SLC35B4: variants seen among roughly 807,000 people sequenced by gnomAD.
SLC35B4 encodes solute carrier family 35 member B4.
In SLC35B4, 28 loss-of-function variants were observed where a neutral mutation model predicts 39.5. That is an observed-to-expected ratio of 0.71 (90% CI 0.53 to 0.97). The LOEUF (loss-of-function observed/expected upper bound fraction) is 0.97, where lower values mean the gene tolerates loss of function less well. SLC35B4 is among the 50% of genes least tolerant of loss of function. The pLI, the probability that SLC35B4 is intolerant of heterozygous loss-of-function variation, is 0.00. For missense variants in SLC35B4, 334 were observed against 414.3 expected (o/e 0.81, Z 1.68); for synonymous variants, 145 against 150.4 (o/e 0.96, Z 0.26).
At chr7:134,318,403 A>C (rs202014064), upstream of SLC35B4, among the ~76,000 whole-genome samples, 2,060 of 45,986 alleles carry the variant, frequency 0.045, 49 homozygotes, top group African/African-American at 0.15. Flanking sequence ...TGGCACATTA[A>C]ACAATGAATT....
chr7:134,290,163 T>A lies in SLC35B4; in HGVS notation c.*4670A>T, dbSNP rs1803303490. 1 of 152,194 alleles carries A rather than the reference T, an allele frequency of 6.6e-6. No individual in the cohort carries two copies. The highest frequency in any genetic ancestry group is 1.5e-5 in the Non-Finnish European group (1 of 68,060). 9.4% of individuals were successfully genotyped at this position (152,194 alleles called of 1,614,324 possible). ...ACTTTCTTCCTGAGCATCAAATATG[T>A]AAGGTGCTAACTACATAATACTCTT... On this transcript the variant is annotated 3_prime_UTR_variant, in exon 10 of 10. Coordinates refer to ENST00000378509, the MANE Select transcript of SLC35B4 (RefSeq NM_032826.5).
At chr7:134,316,611 C>CCT in intron 1 of SLC35B4, 64 bp downstream of exon 1, 1 of 1,513,316 alleles carries the variant, frequency 6.6e-7, no homozygotes, top group Non-Finnish European at 8.9e-7. Flanking sequence ...CCCGGGGGGA[C>CCT]CTCTCCTCTG....
intron 1 of SLC35B4, among the ~76,000 whole-genome samples, chr7:134,316,379 C>T (rs953436170): frequency 1.3e-5 from 2 of 152,188 alleles, no homozygotes; most frequent in East Asian, 1.9e-4. Flanking sequence ...ACTTCAATAC[C>T]CCCCGAGTGT....
chr7:134,318,161 G>A (rs913947781), upstream of SLC35B4, among the ~76,000 whole-genome samples: 1 of 152,140 alleles, frequency 6.6e-6, no homozygotes, highest in African/African-American at 2.4e-5. Flanking sequence ...ACTCGTTATC[G>A]AGTGCAGATT....
In SLC35B4 at chr7:134,296,402, G is replaced by A. The variant is rs535470117; in HGVS notation, c.738C>T (p.Asn246=). 3.6e-5 allele frequency: 58 copies of A among 1,613,754 alleles called. No homozygotes were observed. The East Asian group carries it at 1.1e-3, about 32-fold the overall frequency. The change falls in exon 9 of 10, where the codon AAC becomes AAT. Residue 246 remains asparagine (N), a synonymous_variant. Coordinates refer to ENST00000378509, the MANE Select transcript of SLC35B4 (RefSeq NM_032826.5). Reference sequence around the variant, plus strand: ...AGTCCAAAGGATACTGAGTGATGATGTTCATGAGGAGGTAGAACCACATGA... The same window carrying A: ...AGTCCAAAGGATACTGAGTGATGATATTCATGAGGAGGTAGAACCACATGA... ...LPIMWFYLLM[N]IITQYVCIRG...
chr7:134,304,776 T>A (rs372996119), intron 4 of SLC35B4, 29 bp downstream of exon 4: 1 of 1,549,614 alleles, frequency 6.5e-7, no homozygotes, highest in Non-Finnish European at 8.9e-7. Flanking sequence ...ATCATTTCCA[T>A]ACACAAAATA....
At chr7:134,319,910 T>C (rs1643033), upstream of SLC35B4, among the ~76,000 whole-genome samples, 71,386 of 151,892 alleles carry the variant, frequency 0.47, 17,026 homozygotes, top group Admixed American at 0.53. Context: ...CCATTCCCAT[T>C]GACATCCACT....
At chr7:134,295,255 A>C (rs1803436784) in intron 9 of SLC35B4, 176 bp from the exon 10 acceptor site, 3 of 702,656 alleles carry the variant, frequency 4.3e-6, no homozygotes, top group Non-Finnish European at 4.6e-6. Context: ...CTGTCCTGCC[A>C]TTCCATTTAT....
chr7:134,298,799 T>G (rs1803520949), intron 8 of SLC35B4, among the ~76,000 whole-genome samples: 1 of 152,240 alleles, frequency 6.6e-6, no homozygotes, highest in African/African-American at 2.4e-5. Flanking sequence ...ACTGTCATTC[T>G]ACAAAATGCA....
chr7:134,309,316 T>C (rs1279384837), intron 2 of SLC35B4, 50 bp downstream of exon 2: 1 of 1,155,626 alleles, frequency 8.7e-7, no homozygotes, highest in African/African-American at 1.6e-5. Flanking sequence ...TACCACCTCT[T>C]TACTTTCTTA....
chr7:134,318,467 A>T (rs1804044176), upstream of SLC35B4, among the ~76,000 whole-genome samples: 1 of 110,976 alleles, frequency 9.0e-6, no homozygotes, highest in Non-Finnish European at 1.9e-5. Context: ...ACACATATAT[A>T]CACACACACA....
rs1022440972 is a variant in SLC35B4 at position 134,291,595 on chromosome 7, C to T, written c.*3238G>A. ...GAGAAGAGGTTTACTCTGGGTGGCA[C>T]AGACCAATTCAGCTTTCATGGTCTT... On this transcript the variant is annotated 3_prime_UTR_variant, in exon 10 of 10. Transcript: ENST00000378509. 1 of 152,172 alleles carries T rather than the reference C, an allele frequency of 6.6e-6. No homozygotes were observed. Among genetic ancestry groups the T allele is most frequent in the African/African-American group, 2.4e-5 (1 of 41,434 alleles). The allele number at this position is 152,172 out of a possible 1,614,324, so 9.4% of individuals were successfully genotyped here. A position where few individuals can be genotyped will look rare whatever the true frequency, so the allele number is the denominator to read the frequency against.
At chr7:134,310,839 AC>A (rs1172800153) in intron 1 of SLC35B4, among the ~76,000 whole-genome samples, 1 of 151,554 alleles carries the variant, frequency 6.6e-6, no homozygotes, top group African/African-American at 2.4e-5. Context: ...GAGCCACCAC[AC>A]CCGGCCTCTG....
At chr7:134,296,294 A>T in intron 9 of SLC35B4, 97 bp downstream of exon 9, 1 of 1,093,648 alleles carries the variant, frequency 9.1e-7, no homozygotes, top group Non-Finnish European at 1.4e-6. Flanking sequence ...CGAAAATCAT[A>T]TTCAAGTCAA....
At chr7:134,319,532 G>C (rs148110592), upstream of SLC35B4, among the ~76,000 whole-genome samples, 2,103 of 151,986 alleles carry the variant, frequency 0.014, 18 homozygotes, top group Non-Finnish European at 0.022. Flanking sequence ...TCCTCTCATT[G>C]CCCTGCACAT....
rs758954412 is a variant in SLC35B4, at chr7:134,300,195, TAG to T, written c.552_553del (p.Tyr185GlnfsTer14). ...CTTGGAGTGTTTCCCAAATCGTTTG[TAG>T]AGAGTCTCTTGGAATATCCCCATCC... On this transcript the variant is annotated frameshift_variant, in exon 7 of 10. Transcript: ENST00000378509. LOFTEE classifies it high-confidence loss of function. 1.2e-4 allele frequency: 187 copies of T among 1,613,322 alleles called. No individual in the cohort carries two copies. The highest frequency in any genetic ancestry group is 1.6e-4 in the Non-Finnish European group (183 of 1,179,868).
intron 8 of SLC35B4, among the ~76,000 whole-genome samples, chr7:134,297,766 T>C (rs2117283041): frequency 6.6e-6 from 1 of 152,352 alleles, no homozygotes; most frequent in East Asian, 1.9e-4. Context: ...CCAGGAGTAG[T>C]GGCTCACGCC....
At chr7:134,297,336 C>T (rs1803490315) in intron 8 of SLC35B4, among the ~76,000 whole-genome samples, 1 of 152,174 alleles carries the variant, frequency 6.6e-6, no homozygotes, top group African/African-American at 2.4e-5. Context: ...TTTCATAATC[C>T]TTATTAAGGG....
rs1374208124 is a variant in SLC35B4 at position 134,294,924 on chromosome 7, A to G, written c.905T>C (p.Phe302Ser). 2 of 1,614,142 alleles carry G rather than the reference A, an allele frequency of 1.2e-6. No individual in the cohort carries two copies. The highest frequency in any genetic ancestry group is 1.1e-5 in the South Asian group (1 of 91,070). The change falls in exon 10 of 10, where the codon TTT (phenylalanine) becomes TCT (serine). Residue 302 changes from phenylalanine to serine, a missense_variant. Physicochemically the swap from Phe to Ser is radical, Grantham distance 155. Coordinates refer to ENST00000378509, the MANE Select transcript of SLC35B4 (RefSeq NM_032826.5). ...GTACATTAAGGTCCCAATGAAGACAAACAAGGTGCCCAGCCAGTGCCACAG... is the reference window on the plus strand; with the variant it reads ...GTACATTAAGGTCCCAATGAAGACAGACAAGGTGCCCAGCCAGTGCCACAG... Reference protein sequence around the residue: ...FTLWHWLGTLFVFIGTLMYTE... With the variant: ...FTLWHWLGTLSVFIGTLMYTE...
Sources: allele counts gnomAD v4.1 joint callset (sites outside exome capture counted in the v4.1 genomes callset), GRCh38; gene constraint gnomAD v4.1.1; transcripts MANE v1.5; gene names NCBI Gene and HGNC (gene_info 2026-07-23, HGNC 2026-07-21).